ADGRB3: variants seen among roughly 807,000 people sequenced by gnomAD.
The protein encoded by ADGRB3 is brain-specific angiogenesis inhibitor 3.
ADGRB3 carries 37 observed loss-of-function variants against 193.4 expected under a neutral mutation model. The ratio of observed to expected loss-of-function variants is 0.19; its 90% CI spans 0.15 to 0.25. ADGRB3 has a LOEUF of 0.25. Among genes scored for constraint, ADGRB3 ranks in the 10% least tolerant of loss-of-function variants. The pLI, the probability that ADGRB3 is intolerant of heterozygous loss-of-function variation, is 1.00. For synonymous variants in ADGRB3, 690 were observed against 644.2 expected (o/e 1.07, Z -1.08); for missense variants, 1,637 against 1,852.9 (o/e 0.88, Z 2.14).
intron 3 of ADGRB3, among the ~76,000 whole-genome samples, chr6:68,794,563 C>A (rs910860170): frequency 2.0e-5 from 3 of 151,852 alleles, no homozygotes; most frequent in Non-Finnish European, 4.4e-5. Flanking sequence ...TCACAACAAC[C>A]CTTTGAAGTA....
intron 3 of ADGRB3, among the ~76,000 whole-genome samples, chr6:68,891,512 A>G (rs1391688460): frequency 2.0e-5 from 3 of 152,196 alleles, no homozygotes; most frequent in African/African-American, 7.2e-5. Flanking sequence ...AATGAAAAGT[A>G]TGTGAGACAT....
At chr6:68,777,687 A>T (rs1241319805) in intron 3 of ADGRB3, among the ~76,000 whole-genome samples, 1 of 148,648 alleles carries the variant, frequency 6.7e-6, no homozygotes, top group South Asian at 2.3e-4. Context: ...AAAAAAAAAA[A>T]ACGACTACTA....
chr6:68,748,031 A>C (rs539870478), intron 3 of ADGRB3, among the ~76,000 whole-genome samples: 1 of 152,296 alleles, frequency 6.6e-6, no homozygotes, highest in African/African-American at 2.4e-5. Context: ...CTTATTCACT[A>C]TCACGAGAAT....
At chr6:69,316,768 T>C (rs941578862) in intron 20 of ADGRB3, among the ~76,000 whole-genome samples, 1 of 151,448 alleles carries the variant, frequency 6.6e-6, no homozygotes, top group Non-Finnish European at 1.5e-5. Context: ...AATATAGAAG[T>C]TGAAGTGTGG....
At chr6:69,367,185 G>T (rs1769590586) in intron 29 of ADGRB3, among the ~76,000 whole-genome samples, 1 of 152,068 alleles carries the variant, frequency 6.6e-6, no homozygotes, top group Admixed American at 6.6e-5. Context: ...AAAGAGTTTT[G>T]GCATATTCTC....
chr6:69,248,225 A>G (rs959959880), intron 20 of ADGRB3, among the ~76,000 whole-genome samples: 1 of 152,226 alleles, frequency 6.6e-6, no homozygotes. Flanking sequence ...TAATGTCAAT[A>G]GAAGAATCAT....
At chr6:68,921,012 C>T (rs944448678) in intron 3 of ADGRB3, among the ~76,000 whole-genome samples, 37 of 151,886 alleles carry the variant, frequency 2.4e-4, no homozygotes, top group African/African-American at 8.5e-4. Context: ...TAGGGTATAA[C>T]ACTTTTAAAT....
At chr6:68,909,104 C>T (rs1352408650) in intron 3 of ADGRB3, among the ~76,000 whole-genome samples, 4 of 152,124 alleles carry the variant, frequency 2.6e-5, no homozygotes, top group South Asian at 2.1e-4. Flanking sequence ...AATCTTTGCA[C>T]TATTAGGTAA....
At chr6:68,937,144 C>T (rs768178916) in intron 5 of ADGRB3, among the ~76,000 whole-genome samples, 2 of 152,104 alleles carry the variant, frequency 1.3e-5, no homozygotes, top group Non-Finnish European at 2.9e-5. Flanking sequence ...GACCAAATAA[C>T]TTCTTGGTAT....
chr6:69,048,189 T>A lies in ADGRB3; in HGVS notation c.2112T>A (p.Ala704=), dbSNP rs1302229443. 1 of 1,610,474 alleles carries A rather than the reference T, an allele frequency of 6.2e-7. No individual in the cohort carries two copies. Among genetic ancestry groups the A allele is most frequent in the Admixed American group, 1.7e-5 (1 of 59,132 alleles). The change falls in exon 14 of 32, where the codon GCT becomes GCA. Residue 704 remains alanine, a synonymous_variant. Transcript: ENST00000370598. ...TTATTATTTCTTTTTTAATAGTGGCTAGTATTCAGAAGCTTCCTGCAGCCT... is the reference window on the plus strand; with the variant it reads ...TTATTATTTCTTTTTTAATAGTGGCAAGTATTCAGAAGCTTCCTGCAGCCT... ...NSYLMTGNVV[A]SIQKLPAASV... is the part of the protein sequence containing the mutation.
intron 10 of ADGRB3, among the ~76,000 whole-genome samples, chr6:68,989,225 C>A (rs2150272844): frequency 6.6e-6 from 1 of 152,000 alleles, no homozygotes; most frequent in East Asian, 1.9e-4. Flanking sequence ...ATTTTTAAAA[C>A]TATAATATAT....
chr6:68,653,990 T>C (rs952645843), intron 3 of ADGRB3, among the ~76,000 whole-genome samples: 2 of 152,032 alleles, frequency 1.3e-5, no homozygotes, highest in African/African-American at 2.4e-5. Flanking sequence ...GGTCTATAGG[T>C]TGGACATTGA....
intron 20 of ADGRB3, among the ~76,000 whole-genome samples, chr6:69,275,806 C>T (rs1181688173): frequency 6.6e-6 from 1 of 152,008 alleles, no homozygotes; most frequent in Non-Finnish European, 1.5e-5. Context: ...AAAATACTTA[C>T]TTATGATAGC....
intron 3 of ADGRB3, among the ~76,000 whole-genome samples, chr6:68,699,689 A>G (rs1171398775): frequency 2.0e-5 from 3 of 151,708 alleles, no homozygotes; most frequent in Non-Finnish European, 2.9e-5. Context: ...TCTTAGAGTG[A>G]CATAATAAGC....
intron 3 of ADGRB3, among the ~76,000 whole-genome samples, chr6:68,661,413 GT>G (rs1768637288): frequency 9.1e-6 from 1 of 109,514 alleles, no homozygotes; most frequent in African/African-American, 3.9e-5. Flanking sequence ...ATATATGTGT[GT>G]GTATATATAT....
intron 3 of ADGRB3, among the ~76,000 whole-genome samples, chr6:68,865,371 A>G (rs560363589): frequency 1.8e-4 from 28 of 152,216 alleles, no homozygotes; most frequent in Admixed American, 3.3e-4. Flanking sequence ...ATCTGAAGTT[A>G]TAAGGGAAGG....
intron 20 of ADGRB3, among the ~76,000 whole-genome samples, chr6:69,246,622 A>G (rs1391917523): frequency 6.6e-6 from 1 of 152,220 alleles, no homozygotes; most frequent in East Asian, 1.9e-4. Context: ...TTTGTGTGGT[A>G]AAAGCCAGAG....
At chr6:69,086,687 T>G (rs1045636552) in intron 17 of ADGRB3, among the ~76,000 whole-genome samples, 1 of 152,048 alleles carries the variant, frequency 6.6e-6, no homozygotes, top group Non-Finnish European at 1.5e-5. Context: ...TTCTAAAAAG[T>G]GCATTTTTGT....
chr6:69,023,065 G>T (rs1055778548), intron 13 of ADGRB3, among the ~76,000 whole-genome samples: 4 of 151,948 alleles, frequency 2.6e-5, no homozygotes, highest in African/African-American at 9.7e-5. Context: ...AACTAGAATT[G>T]CATTCATTGA....
Sources: gnomAD v4.1 joint callset for allele counts (sites outside exome capture counted in the v4.1 genomes callset) on GRCh38, gnomAD v4.1.1 for gene constraint, MANE v1.5 for transcripts, NCBI Gene and HGNC (gene_info 2026-07-23, HGNC 2026-07-21) for gene names.